The following UGGT1 variants were observed in gnomAD, a reference collection of about 807,000 sequenced individuals.
UGGT1 encodes UDP-glucose glycoprotein glucosyltransferase 1.
Under a neutral mutation model 203.9 loss-of-function variants are expected in UGGT1, and 107 were observed. That is an observed-to-expected ratio of 0.52 (90% CI 0.45 to 0.62). The LOEUF is 0.62. Ranked by LOEUF, UGGT1 falls within the 20% of genes least tolerant of loss-of-function variation. UGGT1 has a pLI of 0.00. For missense variants in UGGT1, 1,673 were observed against 1,867.2 expected (o/e 0.90, Z 1.92); for synonymous variants, 628 against 653.5 (o/e 0.96, Z 0.59).
rs1691168940 is a variant in UGGT1, at chr2:128,172,646, A to G, written c.3178A>G (p.Lys1060Glu). The change falls in exon 29 of 41, where the codon AAA becomes GAA. Residue 1060 changes from lysine (K) to glutamate (E), a missense_variant. By Grantham distance (56) the Lys-to-Glu change is moderately conservative (BLOSUM62 1). This residue lies in a region of UGGT1 where 513 missense variants were observed against 684.1 expected (regional missense o/e 0.75). Coordinates refer to ENST00000259253, the MANE Select transcript of UGGT1 (RefSeq NM_020120.4). ...DNSFAKGPIAKFLDMPQSPLF... is the reference protein window; with the variant it reads ...DNSFAKGPIAEFLDMPQSPLF... ...TAGTTTTGCTAAGGGTCCAATCGCA[A>G]AATTTTTGGATATGCCTCAGTCTCC... 2 of 1,614,134 alleles carry G rather than the reference A, an allele frequency of 1.2e-6. No individual in the cohort carries two copies. Among genetic ancestry groups the G allele is most frequent in the South Asian group, 1.1e-5 (1 of 91,082 alleles).
intron 10 of UGGT1, among the ~76,000 whole-genome samples, chr2:128,122,102 C>T (rs539079421): frequency 6.6e-6 from 1 of 152,262 alleles, no homozygotes; most frequent in African/African-American, 2.4e-5. Flanking sequence ...TGGCTCATGC[C>T]TGTAATCCCA....
chr2:128,187,375 C>G (rs1406443054), intron 39 of UGGT1, 74 bp from the exon 40 acceptor site: 1 of 1,523,546 alleles, frequency 6.6e-7, no homozygotes, highest in Non-Finnish European at 8.9e-7. Flanking sequence ...GGACTTGTAA[C>G]CCAAGAACCT....
Position 128,172,636 on chromosome 2 carries a change from T to G in UGGT1, c.3168T>G (p.Gly1056=), listed in dbSNP as rs772523494. ...SFTSDNSFAK[G]PIAKFLDMPQ... ...CTTCAGACAATAGTTTTGCTAAGGG[T>G]CCAATCGCAAAATTTTTGGATATGC... Residue 1056 remains glycine, a synonymous_variant, in exon 29 of 41, where the codon GGT becomes GGG. Coordinates refer to ENST00000259253, the MANE Select transcript of UGGT1 (RefSeq NM_020120.4). The G allele has an allele frequency of 6.2e-7, 1 of 1,614,112 alleles. No individual in the cohort carries two copies. The highest frequency in any genetic ancestry group is 1.1e-5 in the South Asian group (1 of 91,082).
In UGGT1 at chr2:128,168,963, C is replaced by T. The variant is rs545839154; in HGVS notation, c.2922-1325C>T. Reference sequence around the variant, plus strand: ...TTTGGTGGCTGGGGCGCGAGGATTGCTTGAGCCGGGGAGGTGGAGGTTGCA... The same window carrying T: ...TTTGGTGGCTGGGGCGCGAGGATTGTTTGAGCCGGGGAGGTGGAGGTTGCA... On this transcript the variant is annotated intron_variant, in intron 26 of 40. Transcript: ENST00000259253. Among the ~76,000 whole-genome samples the T allele has an allele frequency of 4.3e-5, 6 of 138,492 alleles. No individual in the cohort carries two copies. The South Asian group carries it at 1.4e-3, about 32-fold the overall frequency. 90.9% of individuals were successfully genotyped at this position (138,492 alleles called of 152,430 possible).
chr2:128,185,661 G>A (rs1324039725), intron 38 of UGGT1, among the ~76,000 whole-genome samples: 1 of 151,844 alleles, frequency 6.6e-6, no homozygotes, highest in Non-Finnish European at 1.5e-5. Flanking sequence ...TTTTTATAGA[G>A]ATGGGGTTTT....
intron 40 of UGGT1, among the ~76,000 whole-genome samples, chr2:128,188,043 CAG>C (rs1316486705): frequency 3.0e-5 from 4 of 135,432 alleles, no homozygotes; most frequent in African/African-American, 5.5e-5. Flanking sequence ...TTTTTTGAGA[CAG>C]AGTCTCACTC....
intron 1 of UGGT1, among the ~76,000 whole-genome samples, chr2:128,096,414 C>T (rs916628416): frequency 2.6e-5 from 4 of 152,206 alleles, no homozygotes; most frequent in South Asian, 2.1e-4. Context: ...CACAGGACCA[C>T]GTTCCCGCTG....
chr2:128,110,961 G>A (rs1687819536), intron 5 of UGGT1, among the ~76,000 whole-genome samples: 1 of 152,172 alleles, frequency 6.6e-6, no homozygotes, highest in Admixed American at 6.5e-5. Context: ...TTATAATAGA[G>A]ACTGGTAGGT....
In UGGT1 at chr2:128,194,553, C is replaced by G. The variant is rs916287633; in HGVS notation, c.*4811C>G. 1 of 152,210 alleles carries G rather than the reference C, an allele frequency of 6.6e-6. No individual in the cohort carries two copies. The highest frequency in any genetic ancestry group is 1.5e-5 in the Non-Finnish European group (1 of 68,036). The allele number at this position is 152,210 out of a possible 1,614,324, so 9.4% of individuals were successfully genotyped here. A position where few individuals can be genotyped will look rare whatever the true frequency, so the allele number is the denominator to read the frequency against. ...AAGTGCTGGGATTATAGGCGTGAACCACCGCGCCTGTCCCATTGTTGTGTA... is the reference window on the plus strand; with the variant it reads ...AAGTGCTGGGATTATAGGCGTGAACGACCGCGCCTGTCCCATTGTTGTGTA... On this transcript the variant is annotated 3_prime_UTR_variant, in exon 41 of 41. Transcript: ENST00000259253.
intron 11 of UGGT1, 79 bp downstream of exon 11, chr2:128,123,325 T>A (rs4480941): frequency 0.95 from 1,145,081 of 1,209,350 alleles, 545,182 homozygotes; most frequent in Non-Finnish European, 0.98. Context: ...ATCAGCAGCA[T>A]TTAACAGTGT....
intron 16 of UGGT1, among the ~76,000 whole-genome samples, chr2:128,139,560 C>T (rs752023003): frequency 6.6e-6 from 1 of 152,134 alleles, no homozygotes; most frequent in Non-Finnish European, 1.5e-5. Flanking sequence ...AGAAACAGTC[C>T]AGCACTCAGC....
intron 18 of UGGT1, among the ~76,000 whole-genome samples, chr2:128,148,614 A>G (rs4130973): frequency 0.14 from 20,570 of 152,136 alleles, 1,526 homozygotes; most frequent in Non-Finnish European, 0.16. Flanking sequence ...CAGAGCCCCA[A>G]GGTTAGAGGC....
Position 128,123,134 on chromosome 2 carries a change from G to A in UGGT1, c.1074-52G>A, listed in dbSNP as rs973386301. The A allele has an allele frequency of 3.6e-6, 5 of 1,382,660 alleles. No homozygotes were observed. In the African/African-American group the frequency reaches 5.8e-5, roughly 16 times the overall value. 85.6% of individuals were successfully genotyped at this position (1,382,660 alleles called of 1,614,324 possible). On this transcript the variant is annotated intron_variant, in intron 10 of 40. Transcript: ENST00000259253. ...CATATTTTAAAATATGGAAATTGAA[G>A]ACTTTATATCAAATATTAAGCCAAG...
chr2:128,135,754 C>G (rs1436972800), intron 15 of UGGT1, among the ~76,000 whole-genome samples: 2 of 152,022 alleles, frequency 1.3e-5, no homozygotes, highest in African/African-American at 4.8e-5. Context: ...GTTAGGATTT[C>G]AGGGAAACAA....
At position 128,159,681 on chromosome 2, in the gene UGGT1, C is replaced by T; in HGVS notation, c.2523C>T (p.Ala841=). The T allele has an allele frequency of 6.2e-7, 1 of 1,614,076 alleles. No individual in the cohort carries two copies. The highest frequency in any genetic ancestry group is 1.1e-5 in the South Asian group (1 of 91,076). ...TKMAKEGAAE[A]LAAGADIAEF... ...TGGCCAAGGAGGGGGCTGCAGAGGC[C>T]CTGGCTGCAGGAGCTGACATTGCGG... The change falls in exon 23 of 41, where the codon GCC becomes GCT. Residue 841 remains alanine, a synonymous_variant. Coordinates refer to ENST00000259253, the MANE Select transcript of UGGT1 (RefSeq NM_020120.4).
intron 9 of UGGT1, among the ~76,000 whole-genome samples, chr2:128,120,678 C>G (rs1394653195): frequency 2.0e-5 from 3 of 152,132 alleles, no homozygotes; most frequent in African/African-American, 7.2e-5. Flanking sequence ...AATGGCAAGT[C>G]TTTCTGTGTG....
intron 2 of UGGT1, chr2:128,102,968 C>A (rs367609170): frequency 6.8e-6 from 3 of 440,382 alleles, no homozygotes; most frequent in South Asian, 3.4e-5. Context: ...TTCAAGGAGG[C>A]ATTGAGAAAT....
intron 26 of UGGT1, among the ~76,000 whole-genome samples, chr2:128,169,092 G>C (rs763512223): frequency 1.5e-5 from 1 of 64,534 alleles, no homozygotes; most frequent in Admixed American, 1.9e-4. Context: ...AAAAAAAAAA[G>C]ACAAGGACCA....
At chr2:128,173,734 T>G in intron 29 of UGGT1, 47 bp from the exon 30 acceptor site, 1 of 1,597,542 alleles carries the variant, frequency 6.3e-7, no homozygotes, top group South Asian at 1.1e-5. Flanking sequence ...TCAGATTTAT[T>G]CATGTTGTCT....
Sources: allele counts gnomAD v4.1 joint callset (sites outside exome capture counted in the v4.1 genomes callset), GRCh38; gene constraint gnomAD v4.1.1; regional missense constraint gnomAD v4.1.1; transcripts MANE v1.5; gene names NCBI Gene and HGNC (gene_info 2026-07-23, HGNC 2026-07-21).